BRD8: variants seen among roughly 807,000 people sequenced by gnomAD.
BRD8 encodes bromodomain-containing protein 8.
BRD8 carries 67 observed loss-of-function variants against 143.1 expected under a neutral mutation model. That is an observed-to-expected ratio of 0.47 (90% CI 0.38 to 0.57). The LOEUF is 0.57. BRD8 is among the 20% of genes least tolerant of loss of function. BRD8 has a pLI of 0.00. For missense variants in BRD8, 1,103 were observed against 1,503.0 expected, an observed-to-expected ratio of 0.73 and a Z score of 4.40; for synonymous variants, 505 against 517.1, an observed-to-expected ratio of 0.98 and a Z score of 0.32.
intron 15 of BRD8, 86 bp downstream of exon 15, chr5:138,163,044 A>ACAGGAAG (rs1554097187): frequency 9.1e-6 from 11 of 1,210,790 alleles, no homozygotes; most frequent in Middle Eastern, 2.7e-4. Context: ...AAGAAAAGAG[A>ACAGGAAG]AAAGACAGGA....
At chr5:138,162,830 C>T (rs974612014) in intron 15 of BRD8, among the ~76,000 whole-genome samples, 3 of 151,876 alleles carry the variant, frequency 2.0e-5, no homozygotes, top group African/African-American at 7.2e-5. Flanking sequence ...AACTTGGTTT[C>T]TACTAAAAAA....
intron 7 of BRD8, among the ~76,000 whole-genome samples, chr5:138,169,900 A>G (rs1753732848): frequency 6.6e-6 from 1 of 152,218 alleles, no homozygotes; most frequent in African/African-American, 2.4e-5. Flanking sequence ...CGGAGGTTGC[A>G]GTGACCCAAG....
At chr5:138,166,260 A>G (rs577009268) in intron 10 of BRD8, 152 bp from the exon 11 acceptor site, 1 of 654,614 alleles carries the variant, frequency 1.5e-6, no homozygotes, top group East Asian at 2.6e-5. Context: ...TCTTCTCCCC[A>G]GTTTTATCTA....
At chr5:138,167,841 A>G (rs906550333) in intron 9 of BRD8, 93 bp downstream of exon 9, 10 of 1,158,740 alleles carry the variant, frequency 8.6e-6, no homozygotes, top group Non-Finnish European at 1.3e-5. Flanking sequence ...CTTTAAATCT[A>G]GCACTGACAA....
rs374458782 is a variant in BRD8, at chr5:138,152,767, A to G, written c.2578-7T>C. ...AAACCCACTCGTGTCCCATCTGTAAATACACAGGAAAACATGCATTAAATT... is the reference window on the plus strand; with the variant it reads ...AAACCCACTCGTGTCCCATCTGTAAGTACACAGGAAAACATGCATTAAATT... On this transcript the variant is annotated splice_region_variant and splice_polypyrimidine_tract_variant and intron_variant, in intron 20 of 26. Transcript: ENST00000254900. 6 of 1,607,096 alleles carry G rather than the reference A, an allele frequency of 3.7e-6. No homozygotes were observed. Among genetic ancestry groups the G allele is most frequent in the Non-Finnish European group, 5.1e-6 (6 of 1,174,576 alleles).
intron 20 of BRD8, chr5:138,157,057 A>G (rs1013778251): frequency 3.7e-5 from 55 of 1,506,304 alleles, no homozygotes; most frequent in Non-Finnish European, 7.0e-6. Context: ...GTGCTACTCC[A>G]ACTCTCTAAG....
At chr5:138,146,061 T>A (rs1752136422) in intron 23 of BRD8, among the ~76,000 whole-genome samples, 183 bp from the exon 24 acceptor site, 1 of 152,240 alleles carries the variant, frequency 6.6e-6, no homozygotes, top group South Asian at 2.1e-4. Context: ...TTTAATTTTT[T>A]AATTTTATTT....
At chr5:138,157,280 CAGAG>C (rs1362333508) in intron 20 of BRD8, 1 of 1,613,506 alleles carries the variant, frequency 6.2e-7, no homozygotes, top group Admixed American at 1.7e-5. Flanking sequence ...AGATGACAGG[CAGAG>C]AAAGAAAGGG....
chr5:138,149,021 T>A (rs1429365018), intron 23 of BRD8, among the ~76,000 whole-genome samples: 1 of 151,166 alleles, frequency 6.6e-6, no homozygotes, highest in African/African-American at 2.4e-5. Context: ...GTCATGATCG[T>A]GCCCATTGCA....
At chr5:138,140,206 TTAAACAC>T (rs757380718) in intron 26 of BRD8, 40 bp from the exon 27 acceptor site, 24 of 1,428,530 alleles carry the variant, frequency 1.7e-5, no homozygotes, top group Non-Finnish European at 1.8e-5. Context: ...ATTATGAACC[TTAAACAC>T]TAAAGTATTG....
intron 23 of BRD8, 53 bp downstream of exon 23, chr5:138,149,587 G>T: frequency 2.8e-6 from 4 of 1,428,794 alleles, no homozygotes; most frequent in Middle Eastern, 2.3e-4. Context: ...GATTCAAATA[G>T]GCATAAACAG....
At position 138,154,225 on chromosome 5, in the gene BRD8, C is replaced by G. The variant is rs143822768; in HGVS notation, c.2578-1465G>C. Among the ~76,000 whole-genome samples, 563 of 152,298 alleles carry G rather than the reference C, an allele frequency of 3.7e-3. 3 individuals are homozygous for G. The highest frequency in any genetic ancestry group is 0.013 in the African/African-American group (535 of 41,562). On this transcript the variant is annotated intron_variant, in intron 20 of 26. Coordinates refer to ENST00000254900, the MANE Select transcript of BRD8 (RefSeq NM_139199.2). ...TCACCTCAAATATAAATTTCTCAATCTGCCAAAGTCCTCCACAAATTTAGC... is the reference window on the plus strand; with the variant it reads ...TCACCTCAAATATAAATTTCTCAATGTGCCAAAGTCCTCCACAAATTTAGC...
chr5:138,171,546 C>A (rs979511649), intron 3 of BRD8, 136 bp from the exon 4 acceptor site: 2 of 626,628 alleles, frequency 3.2e-6, no homozygotes, highest in African/African-American at 1.8e-5. Context: ...ACTAGGAGGG[C>A]AAGTAACTTT....
intron 11 of BRD8, among the ~76,000 whole-genome samples, 193 bp from the exon 12 acceptor site, chr5:138,165,359 T>C (rs1353471534): frequency 2.0e-5 from 3 of 152,160 alleles, no homozygotes; most frequent in African/African-American, 4.8e-5. Context: ...AGATGACTAG[T>C]ATGTTAGCAC....
chr5:138,141,845 T>C (rs1051815768), intron 25 of BRD8, among the ~76,000 whole-genome samples: 1 of 152,180 alleles, frequency 6.6e-6, no homozygotes, highest in Admixed American at 6.6e-5. Flanking sequence ...CAGGTAAGAA[T>C]CTGGGGCTTA....
intron 26 of BRD8, among the ~76,000 whole-genome samples, 182 bp from the exon 27 acceptor site, chr5:138,140,348 G>A (rs1751853124): frequency 6.6e-6 from 1 of 152,224 alleles, no homozygotes; most frequent in African/African-American, 2.4e-5. Flanking sequence ...ATGGGAAAGT[G>A]TGAACGTACA....
Position 138,140,116 on chromosome 5 carries a change from T to C in BRD8, c.3666A>G (p.Gly1222=). ...CATCATCCACTGGGTTAGCTGGTTC[T>C]CCTTCCAGACTACTTGAGCCTTTTC... ...DKRKGSSSLE[G]EPANPVDDGK... The change falls in exon 27 of 27, where the codon GGA becomes GGG. Residue 1222 remains glycine (G), a synonymous_variant. Transcript: ENST00000254900. 6.2e-7 allele frequency: 1 copy of C among 1,614,058 alleles called. No homozygotes were observed. The highest frequency in any genetic ancestry group is 8.5e-7 in the Non-Finnish European group (1 of 1,179,890).
intron 3 of BRD8, 94 bp from the exon 4 acceptor site, chr5:138,171,504 G>A (rs1753863941): frequency 1.2e-6 from 1 of 824,356 alleles, no homozygotes; most frequent in Non-Finnish European, 2.0e-6. Flanking sequence ...AAGATTTAGA[G>A]AAGAGAACTA....
intron 22 of BRD8, among the ~76,000 whole-genome samples, chr5:138,150,224 A>G (rs1002206536): frequency 1.3e-5 from 2 of 150,254 alleles, no homozygotes; most frequent in Admixed American, 6.7e-5. Context: ...CTCCCCCGAG[A>G]CCCCTAAGTA....
Sources: gnomAD v4.1 joint callset for allele counts (sites outside exome capture counted in the v4.1 genomes callset) on GRCh38, gnomAD v4.1.1 for gene constraint, MANE v1.5 for transcripts, NCBI Gene and HGNC (gene_info 2026-07-23, HGNC 2026-07-21) for gene names.